The following CHIC2 variants were observed in gnomAD, a reference collection of about 807,000 sequenced individuals.
CHIC2 encodes the protein cysteine rich hydrophobic domain 2.
A neutral mutation model predicts 25.9 loss-of-function variants in CHIC2; 14 were observed. The observed-to-expected ratio is 0.54, with a 90% confidence interval of 0.36 to 0.85. The LOEUF is 0.85. CHIC2 is among the 40% of genes least tolerant of loss of function. The pLI, the probability that CHIC2 is intolerant of heterozygous loss-of-function variation, is 0.01. For synonymous variants in CHIC2, 70 were observed against 72.0 expected (o/e 0.97, Z 0.14); for missense variants, 146 against 202.0 (o/e 0.72, Z 1.68).
chr4:54,037,907 A>C (rs958612646), intron 3 of CHIC2, among the ~76,000 whole-genome samples: 1 of 152,166 alleles, frequency 6.6e-6, no homozygotes, highest in Non-Finnish European at 1.5e-5. Flanking sequence ...CTTTAGAGGG[A>C]AAGAGCATTA....
At position 54,045,733 on chromosome 4, in the gene CHIC2, C is replaced by T. The variant is rs201411348; in HGVS notation, c.330+3222G>A. ...AAACTGGAAGCATTCCCTTTGAAAACTGGCACAAGACAGGGATGCCCTCTC... is the reference window on the plus strand; with the variant it reads ...AAACTGGAAGCATTCCCTTTGAAAATTGGCACAAGACAGGGATGCCCTCTC... On this transcript the variant is annotated intron_variant, in intron 3 of 5. Transcript: ENST00000263921. Among the ~76,000 whole-genome samples, 34 of 144,874 alleles carry T rather than the reference C, an allele frequency of 2.3e-4. 1 individual carries two copies. Among genetic ancestry groups the T allele is most frequent in the East Asian group, 1.9e-3 (9 of 4,864 alleles).
chr4:54,013,468 A>G (rs1001782765), intron 5 of CHIC2, among the ~76,000 whole-genome samples: 1 of 152,090 alleles, frequency 6.6e-6, no homozygotes, highest in Non-Finnish European at 1.5e-5. Flanking sequence ...GTTTTCTTCC[A>G]TACTTGGAAA....
chr4:54,055,564 CA>C (rs1289295658), intron 1 of CHIC2, among the ~76,000 whole-genome samples: 1 of 152,124 alleles, frequency 6.6e-6, no homozygotes, highest in Non-Finnish European at 1.5e-5. Flanking sequence ...TCCACCTGTA[CA>C]AATCTATAGA....
intron 3 of CHIC2, among the ~76,000 whole-genome samples, chr4:54,017,881 T>C (rs577183276): frequency 6.6e-6 from 1 of 152,326 alleles, no homozygotes; most frequent in South Asian, 2.1e-4. Context: ...TTAGTGGTTA[T>C]ATTTTTCTCA....
intron 3 of CHIC2, among the ~76,000 whole-genome samples, chr4:54,046,330 C>T (rs1716810844): frequency 6.6e-6 from 1 of 152,088 alleles, no homozygotes; most frequent in East Asian, 1.9e-4. Context: ...CAAAAAAGAG[C>T]CCGCATCGCC....
intron 1 of CHIC2, among the ~76,000 whole-genome samples, chr4:54,049,715 C>T (rs1347966785): frequency 1.3e-5 from 2 of 151,714 alleles, no homozygotes; most frequent in African/African-American, 2.4e-5. Context: ...AGGTGTCCTA[C>T]ACAAGCAATA....
At chr4:54,085,284 C>A in the CHIC2 span, among the ~76,000 whole-genome samples, 1 of 152,092 alleles carries the variant, frequency 6.6e-6, no homozygotes, top group Non-Finnish European at 1.5e-5. Context: ...ATGATAAATT[C>A]TTGCCTTAAC....
At chr4:54,063,651 G>A (rs1717403308) in intron 1 of CHIC2, among the ~76,000 whole-genome samples, 1 of 152,166 alleles carries the variant, frequency 6.6e-6, no homozygotes, top group African/African-American at 2.4e-5. Context: ...TTTTTATCAC[G>A]TACAATTACA....
chr4:54,025,271 C>T (rs1475056190), intron 3 of CHIC2, among the ~76,000 whole-genome samples: 2 of 152,158 alleles, frequency 1.3e-5, no homozygotes, highest in African/African-American at 4.8e-5. Flanking sequence ...CCCACCTTAA[C>T]TGATCAATGT....
upstream of CHIC2, among the ~76,000 whole-genome samples, chr4:54,066,064 C>G (rs1717511549): frequency 6.6e-6 from 1 of 152,204 alleles, no homozygotes; most frequent in African/African-American, 2.4e-5. Context: ...TTAAGGCAAG[C>G]AATTGTCATC....
At chr4:54,035,072 T>G (rs1228496228) in intron 3 of CHIC2, among the ~76,000 whole-genome samples, 2 of 152,252 alleles carry the variant, frequency 1.3e-5, no homozygotes, top group African/African-American at 2.4e-5. Context: ...CTTACTTACC[T>G]TCCTGGGAAG....
chr4:54,086,562 T>C, the CHIC2 span, among the ~76,000 whole-genome samples: 3 of 152,210 alleles, frequency 2.0e-5, no homozygotes, highest in South Asian at 2.1e-4. Context: ...AAACAGAAGA[T>C]ATTATGTAGC....
At chr4:54,040,512 C>A (rs1229154477) in intron 3 of CHIC2, among the ~76,000 whole-genome samples, 1 of 151,926 alleles carries the variant, frequency 6.6e-6, no homozygotes, top group African/African-American at 2.4e-5. Flanking sequence ...ACCAGCCTGG[C>A]AAACATGGTG....
At chr4:54,037,725 T>C (rs979666094) in intron 3 of CHIC2, among the ~76,000 whole-genome samples, 3 of 152,054 alleles carry the variant, frequency 2.0e-5, no homozygotes, top group African/African-American at 4.8e-5. Flanking sequence ...TTAACAGTAA[T>C]AAAATTAAAC....
intron 3 of CHIC2, among the ~76,000 whole-genome samples, chr4:54,047,026 C>G (rs941377958): frequency 1.1e-4 from 17 of 152,160 alleles, no homozygotes; most frequent in African/African-American, 4.1e-4. Context: ...GACATTTATG[C>G]AGCCAAAAAA....
rs571503610 is a variant in CHIC2 at position 54,063,577 on chromosome 4, T to A, written c.119+605A>T. Among the ~76,000 whole-genome samples the A allele has an allele frequency of 2.6e-4, 40 of 152,162 alleles. 1 individual carries two copies. Among genetic ancestry groups the A allele is most frequent in the Admixed American group, 2.3e-3 (35 of 15,302 alleles). ...GCAGAGTGTATGTCCCTCACGTAGTTGTTGTTGTTGTTGTTGTAAACATAT... is the reference window on the plus strand; with the variant it reads ...GCAGAGTGTATGTCCCTCACGTAGTAGTTGTTGTTGTTGTTGTAAACATAT... On this transcript the variant is annotated intron_variant, in intron 1 of 5. Coordinates refer to ENST00000263921, the MANE Select transcript of CHIC2 (RefSeq NM_012110.4).
chr4:54,051,520 C>G (rs1401676560), intron 1 of CHIC2, among the ~76,000 whole-genome samples: 1 of 152,054 alleles, frequency 6.6e-6, no homozygotes, highest in Non-Finnish European at 1.5e-5. Flanking sequence ...ATCCTCACAA[C>G]CAACATTTTT....
chr4:54,075,274 A>G, the CHIC2 span, among the ~76,000 whole-genome samples: 1 of 152,260 alleles, frequency 6.6e-6, no homozygotes, highest in African/African-American at 2.4e-5. Context: ...ATATATTTAA[A>G]GATATCAATG....
chr4:54,071,816 T>C, the CHIC2 span, among the ~76,000 whole-genome samples: 3 of 151,012 alleles, frequency 2.0e-5, no homozygotes, highest in Admixed American at 6.6e-5. Context: ...CTACTAAAAA[T>C]AAATACTAAA....
Sources: allele counts gnomAD v4.1 joint callset (sites outside exome capture counted in the v4.1 genomes callset), GRCh38; gene constraint gnomAD v4.1.1; transcripts MANE v1.5; gene names NCBI Gene and HGNC (gene_info 2026-07-23, HGNC 2026-07-21).